The following FYTTD1 variants were observed in gnomAD, a reference collection of about 807,000 sequenced individuals.
FYTTD1 encodes forty-two-three domain containing 1.
Under a neutral mutation model 40.9 loss-of-function variants are expected in FYTTD1, and 22 were observed. The observed-to-expected ratio is 0.54, with a 90% CI of 0.38 to 0.77. The LOEUF (loss-of-function observed/expected upper bound fraction) is 0.77. Among genes scored for constraint, FYTTD1 ranks in the 30% least tolerant of loss-of-function variants. The pLI, the probability that FYTTD1 is intolerant of heterozygous loss-of-function variation, is 0.00. For synonymous variants in FYTTD1, 140 were observed against 137.9 expected (o/e 1.01, Z -0.10); for missense variants, 351 against 392.2 (o/e 0.90, Z 0.89).
At chr3:197,769,437 C>T (rs1034147388) in intron 3 of FYTTD1, among the ~76,000 whole-genome samples, 1 of 152,136 alleles carries the variant, frequency 6.6e-6, no homozygotes, top group Non-Finnish European at 1.5e-5. Context: ...TAAAGTACTT[C>T]TCATATACTT....
intron 2 of FYTTD1, among the ~76,000 whole-genome samples, chr3:197,758,358 G>T (rs1729270030): frequency 6.6e-6 from 1 of 152,306 alleles, no homozygotes; most frequent in East Asian, 1.9e-4. Context: ...ATATTTCAGT[G>T]TTAAATACTT....
chr3:197,775,328 T>TA (rs1245619150), intron 6 of FYTTD1, among the ~76,000 whole-genome samples: 1 of 152,236 alleles, frequency 6.6e-6, no homozygotes, highest in Non-Finnish European at 1.5e-5. Flanking sequence ...GGTTTTGAGA[T>TA]TAAACTATTT....
intron 8 of FYTTD1, among the ~76,000 whole-genome samples, chr3:197,778,691 A>G (rs1434171581): frequency 2.6e-5 from 4 of 152,170 alleles, no homozygotes; most frequent in African/African-American, 9.7e-5. Flanking sequence ...ATAATGTTTT[A>G]AAGGTTCATC....
intron 4 of FYTTD1, among the ~76,000 whole-genome samples, chr3:197,772,703 G>A (rs1360535667): frequency 6.6e-6 from 1 of 152,170 alleles, no homozygotes; most frequent in African/African-American, 2.4e-5. Context: ...CTGCTTCCCT[G>A]ATTGAAGCAA....
At chr3:197,749,869 G>C (rs1728937452), upstream of FYTTD1, 2 of 702,632 alleles carry the variant, frequency 2.8e-6, no homozygotes, top group Non-Finnish European at 4.3e-6. Flanking sequence ...GCGCCGGCGC[G>C]TGCGCGCTCC....
At chr3:197,763,725 A>AAT in intron 2 of FYTTD1, 1 of 212,168 alleles carries the variant, frequency 4.7e-6, no homozygotes, top group East Asian at 1.4e-4. Flanking sequence ...GAAAGGAGCC[A>AAT]ATAATATGAT....
At chr3:197,777,117 A>G (rs991628818) in intron 7 of FYTTD1, 116 bp downstream of exon 7, 1 of 657,536 alleles carries the variant, frequency 1.5e-6, no homozygotes, top group East Asian at 2.7e-5. Flanking sequence ...CCAGGAAGAC[A>G]GTAATACCTG....
chr3:197,768,059 AT>A (rs1729603234), intron 2 of FYTTD1, among the ~76,000 whole-genome samples: 1 of 152,230 alleles, frequency 6.6e-6, no homozygotes, highest in South Asian at 2.1e-4. Context: ...TCAGTGAAAT[AT>A]TTTACCTTGA....
intron 1 of FYTTD1, among the ~76,000 whole-genome samples, chr3:197,754,655 T>G (rs927586356): frequency 1.3e-5 from 2 of 151,684 alleles, no homozygotes; most frequent in African/African-American, 4.9e-5. Flanking sequence ...TTGTGGGTTT[T>G]TTTTTTTCTT....
intron 1 of FYTTD1, 101 bp downstream of exon 1, chr3:197,750,175 G>A: frequency 2.0e-6 from 2 of 990,540 alleles, no homozygotes; most frequent in Non-Finnish European, 2.8e-6. Flanking sequence ...GCAGTTGCCG[G>A]CGGAGTTTTC....
At position 197,783,258 on chromosome 3, in the gene FYTTD1, C is replaced by T. The variant is rs1210989821; in HGVS notation, c.*1349C>T. ...CGTTACAAGTTTGGTCATTTTGAAG[C>T]TTGACATTTTAGTTTGCCATTATGT... On this transcript the variant is annotated 3_prime_UTR_variant, in exon 9 of 9. Transcript: ENST00000241502. 1 of 152,582 alleles carries T rather than the reference C, an allele frequency of 6.6e-6. No homozygotes were observed. Among genetic ancestry groups the T allele is most frequent in the Non-Finnish European group, 1.5e-5 (1 of 68,032 alleles). 9.5% of individuals were successfully genotyped at this position (152,582 alleles called of 1,614,324 possible). A position where few individuals can be genotyped will look rare whatever the true frequency, so the allele number is the denominator to read the frequency against.
chr3:197,749,964 C>G lies in FYTTD1; in HGVS notation c.-8C>G. On this transcript the variant is annotated 5_prime_UTR_variant, in exon 1 of 9. Coordinates refer to ENST00000241502, the MANE Select transcript of FYTTD1 (RefSeq NM_032288.7). ...TCCGCGCCCGCTCTCGGCGCGACGT[C>G]TCCAGCCATGAACCGGTTTGGTACC... 6.4e-7 allele frequency: 1 copy of G among 1,566,002 alleles called. No homozygotes were observed. The highest frequency in any genetic ancestry group is 1.4e-5 in the African/African-American group (1 of 71,148).
At chr3:197,770,296 C>T in intron 4 of FYTTD1, 52 bp downstream of exon 4, 1 of 1,102,866 alleles carries the variant, frequency 9.1e-7, no homozygotes, top group Non-Finnish European at 1.4e-6. Flanking sequence ...ACACTTCCTG[C>T]ATTAAGTGGT....
chr3:197,772,082 ACT>A (rs1363524917), intron 4 of FYTTD1, among the ~76,000 whole-genome samples: 14 of 152,124 alleles, frequency 9.2e-5, no homozygotes, highest in Non-Finnish European at 2.1e-4. Flanking sequence ...TGACAGTGAG[ACT>A]CTGTCTCAAA....
At chr3:197,756,374 G>C (rs1729214710) in intron 1 of FYTTD1, 52 bp from the exon 2 acceptor site, 1 of 1,373,496 alleles carries the variant, frequency 7.3e-7, no homozygotes, top group Admixed American at 1.8e-5. Flanking sequence ...AAACGAAACT[G>C]AGTAATTGAG....
intron 2 of FYTTD1, among the ~76,000 whole-genome samples, chr3:197,765,446 G>A (rs895080434): frequency 2.6e-5 from 4 of 152,052 alleles, no homozygotes; most frequent in African/African-American, 9.7e-5. Flanking sequence ...AACACAAATA[G>A]CAAGTCATTG....
Position 197,750,076 on chromosome 3 carries a change from T to A in FYTTD1, c.103+2T>A. 1 of 1,560,954 alleles carries A rather than the reference T, an allele frequency of 6.4e-7. No homozygotes were observed. Among genetic ancestry groups the A allele is most frequent in the Non-Finnish European group, 8.7e-7 (1 of 1,153,546 alleles). On this transcript the variant is annotated splice_donor_variant, in intron 1 of 8. Coordinates refer to ENST00000241502, the MANE Select transcript of FYTTD1 (RefSeq NM_032288.7). LOFTEE classifies it high-confidence loss of function. ...TCGACAAAATAGATATGTCTTTGGG[T>A]GAGGGGCCGAGTTGGACCGAGTTGG...
chr3:197,773,560 T>G, intron 5 of FYTTD1, 61 bp downstream of exon 5: 2 of 959,508 alleles, frequency 2.1e-6, no homozygotes, highest in Non-Finnish European at 3.3e-6. Flanking sequence ...AAGAGGATCC[T>G]GAGCAGCCAC....
intron 1 of FYTTD1, among the ~76,000 whole-genome samples, chr3:197,751,696 T>G (rs1171126826): frequency 6.7e-5 from 10 of 149,128 alleles, no homozygotes; most frequent in Non-Finnish European, 1.2e-4. Context: ...ACAAATAATG[T>G]AATAATGAAT....
Sources: allele counts gnomAD v4.1 joint callset (sites outside exome capture counted in the v4.1 genomes callset), GRCh38; gene constraint gnomAD v4.1.1; transcripts MANE v1.5; gene names NCBI Gene and HGNC (gene_info 2026-07-23, HGNC 2026-07-21).